The following NAA11 variants were observed in gnomAD, a reference collection of about 807,000 sequenced individuals.
The protein encoded by NAA11 is N-alpha-acetyltransferase 11.
A neutral mutation model predicts 16.1 loss-of-function variants in NAA11; 15 were observed. The ratio of observed to expected loss-of-function variants is 0.93; its 90% confidence interval spans 0.62 to 1.44. The LOEUF is 1.44. NAA11 is among the 40% of genes most tolerant of loss of function. The probability of loss-of-function intolerance (pLI) is 0.00; values close to 1 mark genes in which losing one functional copy is unlikely to be tolerated. For missense variants in NAA11, 298 were observed against 291.3 expected, an observed-to-expected ratio of 1.02 and a Z score of -0.17; for synonymous variants, 122 against 112.4, an observed-to-expected ratio of 1.09 and a Z score of -0.54.
At chr4:79,281,798 T>C (rs1478393396) in intron 2 of NAA11, among the ~76,000 whole-genome samples, 2 of 152,064 alleles carry the variant, frequency 1.3e-5, no homozygotes, top group Non-Finnish European at 2.9e-5. Context: ...AGTTTCTGTT[T>C]CTGATTAAGC....
At chr4:79,256,349 C>G (rs1348448258) in intron 2 of NAA11, among the ~76,000 whole-genome samples, 1 of 151,966 alleles carries the variant, frequency 6.6e-6, no homozygotes, top group Non-Finnish European at 1.5e-5. Flanking sequence ...TTCCTTGTAG[C>G]CCTCAATGTT....
the NAA11 span, among the ~76,000 whole-genome samples, chr4:79,203,914 G>C: frequency 6.6e-6 from 1 of 151,618 alleles, no homozygotes; most frequent in South Asian, 2.1e-4. Flanking sequence ...AAAAAAATTA[G>C]AAAACTCTGT....
chr4:79,186,670 T>C, the NAA11 span, among the ~76,000 whole-genome samples: 2 of 152,078 alleles, frequency 1.3e-5, no homozygotes, highest in African/African-American at 4.8e-5. Flanking sequence ...GAGGAGACAC[T>C]AATGATAAGA....
the NAA11 span, among the ~76,000 whole-genome samples, chr4:79,176,968 G>A: frequency 6.6e-6 from 1 of 152,108 alleles, no homozygotes; most frequent in East Asian, 1.9e-4. Context: ...GCTATTTCTT[G>A]GGGGAGTGGA....
At chr4:79,170,134 C>T in the NAA11 span, among the ~76,000 whole-genome samples, 6 of 152,156 alleles carry the variant, frequency 3.9e-5, no homozygotes, top group Admixed American at 3.9e-4. Context: ...AGATACAATA[C>T]ATTCCACCTA....
chr4:79,234,039 A>G (rs950242151), intron 2 of NAA11, among the ~76,000 whole-genome samples: 6 of 152,152 alleles, frequency 3.9e-5, no homozygotes, highest in Admixed American at 6.6e-5. Context: ...GCTGAGAAAC[A>G]TAATGGAAAC....
intron 1 of NAA11, among the ~76,000 whole-genome samples, chr4:79,319,626 T>C (rs1398461924): frequency 6.6e-6 from 1 of 152,228 alleles, no homozygotes; most frequent in Non-Finnish European, 1.5e-5. Context: ...TACATGTACA[T>C]CATACACTGA....
intron 2 of NAA11, among the ~76,000 whole-genome samples, chr4:79,234,359 A>C (rs1294478045): frequency 6.6e-6 from 1 of 152,136 alleles, no homozygotes; most frequent in East Asian, 1.9e-4. Flanking sequence ...CTTTCTATTT[A>C]AGCAAATGTC....
intron 2 of NAA11, among the ~76,000 whole-genome samples, chr4:79,257,452 T>A (rs970604165): frequency 2.6e-5 from 4 of 152,294 alleles, no homozygotes; most frequent in Middle Eastern, 6.8e-3. Context: ...TTGTTGCTTT[T>A]AGTTTAGTAT....
the NAA11 span, among the ~76,000 whole-genome samples, chr4:79,167,303 G>A: frequency 2.9e-4 from 34 of 116,906 alleles, no homozygotes; most frequent in African/African-American, 1.1e-3. Flanking sequence ...AGAGAGAGAC[G>A]TGGTAAGAAA....
rs200359390 is a variant in NAA11, at chr4:79,247,735, G to A, written c.*123-21465C>T. On this transcript the variant is annotated intron_variant and NMD_transcript_variant, in intron 2 of 2. Transcript: ENST00000511542. ...ACCCTGCCCAGGACTACCATGCACT[G>A]AGACTCATTCCTGGCCCCAAGCAAG... Among the ~76,000 whole-genome samples, 11 of 152,256 alleles carry A rather than the reference G, an allele frequency of 7.2e-5. No individual in the cohort carries two copies. In the East Asian group the frequency reaches 2.1e-3, roughly 29 times the overall value.
chr4:79,206,900 C>G, the NAA11 span, among the ~76,000 whole-genome samples: 1 of 152,034 alleles, frequency 6.6e-6, no homozygotes, highest in Non-Finnish European at 1.5e-5. Flanking sequence ...TATTTCTTTA[C>G]AGCATCAAAG....
the NAA11 span, among the ~76,000 whole-genome samples, chr4:79,214,654 C>T: frequency 6.6e-6 from 1 of 152,064 alleles, no homozygotes; most frequent in Non-Finnish European, 1.5e-5. Flanking sequence ...AAAAAATTAG[C>T]TGGGCATGGT....
intron 1 of NAA11, among the ~76,000 whole-genome samples, chr4:79,324,829 T>C (rs1724208104): frequency 6.6e-6 from 1 of 152,202 alleles, no homozygotes; most frequent in Non-Finnish European, 1.5e-5. Flanking sequence ...ATGATGATTT[T>C]ATATTTCTAT....
At chr4:79,267,882 T>C (rs1421913358) in intron 2 of NAA11, among the ~76,000 whole-genome samples, 1 of 152,094 alleles carries the variant, frequency 6.6e-6, no homozygotes, top group African/African-American at 2.4e-5. Flanking sequence ...CATATGTTCA[T>C]ATAACACTGC....
chr4:79,298,124 C>T (rs1170284986), intron 1 of NAA11, among the ~76,000 whole-genome samples: 1 of 152,164 alleles, frequency 6.6e-6, no homozygotes, highest in East Asian at 1.9e-4. Context: ...ATCCTCTCTG[C>T]TAGGAGCTGA....
At chr4:79,325,147 G>C (rs373179738) in intron 1 of NAA11, 29 bp downstream of exon 1, 85 of 1,523,950 alleles carry the variant, frequency 5.6e-5, no homozygotes, top group African/African-American at 4.7e-4. Flanking sequence ...TTAGGAGAAG[G>C]GGGTACTGGG....
the NAA11 span, among the ~76,000 whole-genome samples, chr4:79,202,745 A>G: frequency 1.4e-5 from 2 of 148,122 alleles, no homozygotes; most frequent in African/African-American, 4.9e-5. Flanking sequence ...TAGAATTATT[A>G]TGTATTTTCA....
At chr4:79,173,293 G>A in the NAA11 span, among the ~76,000 whole-genome samples, 2 of 152,048 alleles carry the variant, frequency 1.3e-5, no homozygotes, top group South Asian at 4.1e-4. Context: ...AATCAGCTAT[G>A]TGTTGAACTA....
Sources: allele counts gnomAD v4.1 joint callset (sites outside exome capture counted in the v4.1 genomes callset), GRCh38; gene constraint gnomAD v4.1.1; transcripts MANE v1.5; gene names NCBI Gene and HGNC (gene_info 2026-07-23, HGNC 2026-07-21).